SLC30A2: variants seen among roughly 807,000 people sequenced by gnomAD.
SLC30A2 encodes proton-coupled zinc antiporter SLC30A2.
A neutral mutation model predicts 39.6 loss-of-function variants in SLC30A2; 19 were observed. The observed-to-expected ratio is 0.48, with a 90% CI of 0.34 to 0.70. SLC30A2 has a LOEUF of 0.70. SLC30A2 is among the 30% of genes least tolerant of loss of function. The pLI, the probability that SLC30A2 is intolerant of heterozygous loss-of-function variation, is 0.01. For synonymous variants in SLC30A2, 195 were observed against 194.8 expected (o/e 1.00, Z -0.01); for missense variants, 387 against 479.4 (o/e 0.81, Z 1.80).
Position 26,042,700 on chromosome 1 carries a change from A to C in SLC30A2, c.581T>G (p.Leu194Trp). The part of the protein sequence containing the change: ...CAVAVNIIMG[L>W]TLHQSGHGHS... The stretch of plus-strand genomic sequence containing the variant: ...CCCATGGCCAGACTGGTGAAGGGTC[A>C]ACCCCATTCTATGGAAGTGGAGACA... The change falls in exon 5 of 8, where the codon TTG (leucine) becomes TGG (tryptophan). Residue 194 changes from leucine (L) to tryptophan (W), a missense_variant. Coordinates refer to ENST00000374276, the MANE Select transcript of SLC30A2 (RefSeq NM_001004434.3). 1 of 1,613,914 alleles carries C rather than the reference A, an allele frequency of 6.2e-7. No individual in the cohort carries two copies. The highest frequency in any genetic ancestry group is 8.5e-7 in the Non-Finnish European group (1 of 1,179,922).
intron 5 of SLC30A2, among the ~76,000 whole-genome samples, chr1:26,042,047 T>G (rs1553143642): frequency 6.6e-6 from 1 of 152,170 alleles, no homozygotes; most frequent in Admixed American, 6.5e-5. Context: ...AGCTGAGACA[T>G]GGACAGAGCA....
chr1:26,043,672 T>A (rs2050426203), intron 3 of SLC30A2, 121 bp from the exon 4 acceptor site: 1 of 1,010,612 alleles, frequency 9.9e-7, no homozygotes, highest in East Asian at 2.6e-5. Flanking sequence ...TGGGTCCCAC[T>A]GGGCTCTGCT....
In SLC30A2 at chr1:26,039,805, C is replaced by G. The variant is rs1233216949; in HGVS notation, c.945G>C (p.Gln315His). Residue 315 changes from glutamine (Q) to histidine (H), a missense_variant, in exon 7 of 8, where the codon CAG becomes CAC. Transcript: ENST00000374276. This position sits in a 1 kb window ranked among gnomAD's most constrained non-coding sequence, Gnocchi z 4.3. ...SLHIWALTVA[Q>H]PVLSVHIAIA... is the part of the protein sequence containing the mutation. ...TGGCGATGTGGACAGACAGAACAGGCTGGGCCACCGTCAGTGCCCAGATAT... is the reference window on the plus strand; with the variant it reads ...TGGCGATGTGGACAGACAGAACAGGGTGGGCCACCGTCAGTGCCCAGATAT... 8.7e-6 allele frequency: 14 copies of G among 1,613,998 alleles called. No individual in the cohort carries two copies. The highest frequency in any genetic ancestry group is 1.1e-5 in the Non-Finnish European group (13 of 1,180,022).
chr1:26,039,764 C>A lies in SLC30A2; in HGVS notation c.973+13G>T, dbSNP rs780907106. 7 of 1,613,058 alleles carry A rather than the reference C, an allele frequency of 4.3e-6. No individual in the cohort carries two copies. The Admixed American group carries it at 1.2e-4, about 27-fold the overall frequency. On this transcript the variant is annotated intron_variant, in intron 7 of 7. Coordinates refer to ENST00000374276, the MANE Select transcript of SLC30A2 (RefSeq NM_001004434.3). This position sits in a 1 kb window ranked among gnomAD's most constrained non-coding sequence, Gnocchi z 4.3. ...CTGTCTCCCACCCCACCCTGAGTGT[C>A]CCAAGCACTCACCAATGGCGATGTG...
intron 6 of SLC30A2, among the ~76,000 whole-genome samples, chr1:26,041,477 G>T (rs1176510703): frequency 6.6e-6 from 1 of 152,194 alleles, no homozygotes; most frequent in Non-Finnish European, 1.5e-5. Context: ...GGGAAGGGAA[G>T]ACTCGGGCTG....
In SLC30A2 at chr1:26,039,024, A is replaced by G. The variant is rs2050369211; in HGVS notation, c.*136T>C. On this transcript the variant is annotated 3_prime_UTR_variant, in exon 8 of 8. Transcript: ENST00000374276. This position sits in a 1 kb window ranked among gnomAD's most constrained non-coding sequence, Gnocchi z 4.3. Reference sequence around the variant, plus strand: ...AGGCTGGGAAGAGCTCCATTCCTGGAGTGGGGCAGAGGTCAGGAGGGGGAC... The same window carrying G: ...AGGCTGGGAAGAGCTCCATTCCTGGGGTGGGGCAGAGGTCAGGAGGGGGAC... The G allele has an allele frequency of 1.4e-6, 2 of 1,431,820 alleles. No homozygotes were observed. Among genetic ancestry groups the G allele is most frequent in the South Asian group, 1.5e-5 (1 of 64,642 alleles). The allele number at this position is 1,431,820 out of a possible 1,614,324, so 88.7% of individuals were successfully genotyped here. A position where few individuals can be genotyped will look rare whatever the true frequency, so the allele number is the denominator to read the frequency against.
chr1:26,042,291 T>C (rs2050406537), intron 5 of SLC30A2, among the ~76,000 whole-genome samples: 1 of 152,234 alleles, frequency 6.6e-6, no homozygotes, highest in South Asian at 2.1e-4. Context: ...GGCTCTATGC[T>C]TTACCGGCTG....
chr1:26,043,604 G>T, intron 3 of SLC30A2, 53 bp from the exon 4 acceptor site: 2 of 1,572,858 alleles, frequency 1.3e-6, no homozygotes, highest in Non-Finnish European at 1.7e-6. Flanking sequence ...TGGAGCTAAG[G>T]AGTCTTCCCC....
At chr1:26,041,646 CT>C in intron 6 of SLC30A2, 53 bp downstream of exon 6, 1 of 1,029,646 alleles carries the variant, frequency 9.7e-7, no homozygotes, top group South Asian at 1.3e-5. Context: ...CCTATTTGAG[CT>C]GATTAGCGCT....
At chr1:26,042,041 G>A (rs1312820945) in intron 5 of SLC30A2, among the ~76,000 whole-genome samples, 1 of 152,196 alleles carries the variant, frequency 6.6e-6, no homozygotes, top group Non-Finnish European at 1.5e-5. Context: ...TCAAGGAGCT[G>A]AGACATGGAC....
chr1:26,041,113 A>G (rs1056515317), intron 6 of SLC30A2, among the ~76,000 whole-genome samples: 40 of 149,390 alleles, frequency 2.7e-4, no homozygotes, highest in African/African-American at 9.8e-4. Flanking sequence ...AAGAAAAAAG[A>G]AAAAAAAAAG....
intron 1 of SLC30A2, 158 bp from the exon 2 acceptor site, chr1:26,045,375 G>A: frequency 1.6e-6 from 1 of 635,876 alleles, no homozygotes; most frequent in Non-Finnish European, 2.7e-6. Flanking sequence ...GTATTCAGAC[G>A]GGGATGATAG....
At chr1:26,042,884 C>T (rs1047371106) in intron 4 of SLC30A2, among the ~76,000 whole-genome samples, 176 bp from the exon 5 acceptor site, 1 of 152,170 alleles carries the variant, frequency 6.6e-6, no homozygotes, top group Non-Finnish European at 1.5e-5. Context: ...GAGATAGGGC[C>T]CAGCGCCAAT....
In SLC30A2 at chr1:26,039,667, C is replaced by T; in HGVS notation, c.973+110G>A. 9.1e-7 allele frequency: 1 copy of T among 1,095,140 alleles called. No individual in the cohort carries two copies. Among genetic ancestry groups the T allele is most frequent in the Non-Finnish European group, 1.3e-6 (1 of 756,388 alleles). The allele number at this position is 1,095,140 out of a possible 1,614,324, so 67.8% of individuals were successfully genotyped here. A position where few individuals can be genotyped will look rare whatever the true frequency, so the allele number is the denominator to read the frequency against. ...ATCAAGTACTCAGCATGAGGCTGGG[C>T]TTGATGCATGGGCACTGTGAGCATC... is the stretch of plus-strand genomic sequence containing the variant. On this transcript the variant is annotated intron_variant, in intron 7 of 7. Coordinates refer to ENST00000374276, the MANE Select transcript of SLC30A2 (RefSeq NM_001004434.3). This position sits in a 1 kb window ranked among gnomAD's most constrained non-coding sequence, Gnocchi z 4.3.
Position 26,039,703 on chromosome 1 carries a change from T to C in SLC30A2, c.973+74A>G. 4 of 1,516,772 alleles carry C rather than the reference T, an allele frequency of 2.6e-6. No individual in the cohort carries two copies. The highest frequency in any genetic ancestry group is 3.6e-6 in the Non-Finnish European group (4 of 1,113,752). 94.0% of individuals were successfully genotyped at this position (1,516,772 alleles called of 1,614,324 possible). A position where few individuals can be genotyped will look rare whatever the true frequency, so the allele number is the denominator to read the frequency against. On this transcript the variant is annotated intron_variant, in intron 7 of 7. Transcript: ENST00000374276. The surrounding 1 kb of genome is among the most constrained non-coding windows in gnomAD (Gnocchi z 4.3). Reference sequence around the variant, plus strand: ...GGCACTGTGAGCATCTGGGGTCACCTGGACCCGTTGGGGATGGCACTAGGC... The same window carrying C: ...GGCACTGTGAGCATCTGGGGTCACCCGGACCCGTTGGGGATGGCACTAGGC...
intron 6 of SLC30A2, among the ~76,000 whole-genome samples, 164 bp from the exon 7 acceptor site, chr1:26,040,075 ACT>A (rs2050380213): frequency 6.6e-6 from 1 of 151,584 alleles, no homozygotes; most frequent in Non-Finnish European, 1.5e-5. Flanking sequence ...CTGCCCTATC[ACT>A]CTGTTGTATT....
chr1:26,043,044 TCTAA>T (rs1039997002), intron 4 of SLC30A2, among the ~76,000 whole-genome samples: 31 of 152,284 alleles, frequency 2.0e-4, no homozygotes, highest in African/African-American at 6.7e-4. Flanking sequence ...ACCCATTGTC[TCTAA>T]CTGAGACCAA....
Position 26,043,427 on chromosome 1 carries a change from C to T in SLC30A2, c.543G>A (p.Thr181=), listed in dbSNP as rs1275164612. Residue 181 remains threonine, a synonymous_variant, in exon 4 of 8, where the codon ACG becomes ACA. Coordinates refer to ENST00000374276, the MANE Select transcript of SLC30A2 (RefSeq NM_001004434.3). ...YEIDGGTMLI[T]SGCAVAVNII... ...TGTTCACAGCCACAGCGCAGCCCGA[C>T]GTGATCAGCATGGTCCCCCCGTCAA... The T allele has an allele frequency of 1.9e-5, 31 of 1,614,020 alleles. No individual in the cohort carries two copies. The highest frequency in any genetic ancestry group is 2.5e-5 in the Non-Finnish European group (30 of 1,180,014).
intron 1 of SLC30A2, 103 bp downstream of exon 1, chr1:26,045,744 C>T: frequency 6.3e-7 from 1 of 1,580,996 alleles, no homozygotes; most frequent in East Asian, 2.3e-5. Flanking sequence ...CTGCATGGTC[C>T]CAGCTCAAGC....
Sources: gnomAD v4.1 joint callset for allele counts (sites outside exome capture counted in the v4.1 genomes callset) on GRCh38, gnomAD v4.1.1 for gene constraint, Gnocchi (gnomAD v3.1) non-coding constraint, MANE v1.5 for transcripts, NCBI Gene and HGNC (gene_info 2026-07-23, HGNC 2026-07-21) for gene names.